Variants in NCR1 observed in about 807,000 individuals in gnomAD.
NCR1 encodes NK cell-activating receptor.
A neutral mutation model predicts 32.5 loss-of-function variants in NCR1; 30 were observed. The observed-to-expected ratio is 0.92, with a 90% CI of 0.69 to 1.25. The LOEUF is 1.25. Among genes scored for constraint, NCR1 ranks in the 50% most tolerant of loss-of-function variants. The pLI is 0.00. For missense variants in NCR1, 369 were observed against 380.7 expected (o/e 0.97, Z 0.26); for synonymous variants, 169 against 143.4 (o/e 1.18, Z -1.28).
the NCR1 span, chr19:54,934,379 T>C: frequency 9.2e-7 from 1 of 1,091,232 alleles, no homozygotes. The surrounding 1 kb of genome is among the most constrained non-coding windows in gnomAD (Gnocchi z 6.7). Context: ...AAGCAGGTGT[T>C]TATTTCAGCA....
chr19:54,923,771 G>C, the NCR1 span: 5 of 1,613,678 alleles, frequency 3.1e-6, no homozygotes. Context: ...CGGAGGTGCC[G>C]TTGCCCCGGA....
intron 3 of NCR1, 52 bp downstream of exon 3, chr19:54,906,859 G>A (rs781215067): frequency 6.3e-7 from 1 of 1,594,154 alleles, no homozygotes; most frequent in Admixed American, 1.7e-5. Flanking sequence ...CATCCGGGAT[G>A]CAGCATCATC....
At position 54,910,023 on chromosome 19, in the gene NCR1, A is replaced by T; in HGVS notation, c.640A>T (p.Ile214Phe). The part of the protein sequence containing the change: ...EPVKLLVTGD[I>F]ENTSLAPEDP... ...TTCTTTATCTCCTTTTCCAGGCGAC[A>T]TTGAGAACACCAGCCTTGCACCTGA... is the stretch of plus-strand genomic sequence containing the variant. The change falls in exon 5 of 7, where the codon ATT becomes TTT. Residue 214 changes from isoleucine to phenylalanine, a missense_variant. Coordinates refer to ENST00000291890, the MANE Select transcript of NCR1 (RefSeq NM_004829.7). 1.2e-6 allele frequency: 2 copies of T among 1,613,382 alleles called. No individual in the cohort carries two copies. The highest frequency in any genetic ancestry group is 8.5e-7 in the Non-Finnish European group (1 of 1,179,834).
chr19:54,929,530 G>A, the NCR1 span, among the ~76,000 whole-genome samples: 1 of 152,146 alleles, frequency 6.6e-6, no homozygotes, highest in East Asian at 1.9e-4. Context: ...GGAGAGAAGT[G>A]ATGAAGAGCT....
upstream of NCR1, among the ~76,000 whole-genome samples, chr19:54,903,648 C>CATATATGTATATATGTATACATATATGT (rs1569535724): frequency 7.5e-6 from 1 of 133,634 alleles, no homozygotes; most frequent in Non-Finnish European, 1.6e-5. Flanking sequence ...TATATATACA[C>CATATATGTATATATGTATACATATATGT]ATATATGTAT....
downstream of NCR1, among the ~76,000 whole-genome samples, chr19:54,918,701 C>T (rs2068182574): frequency 2.0e-5 from 3 of 151,874 alleles, no homozygotes; most frequent in Admixed American, 6.6e-5. Flanking sequence ...GAGCCAGGCA[C>T]GGTGGCGGTG....
At chr19:54,937,095 G>A in the NCR1 span, among the ~76,000 whole-genome samples, 1 of 151,588 alleles carries the variant, frequency 6.6e-6, no homozygotes, top group East Asian at 1.9e-4. Context: ...GCGGGCGCCT[G>A]TAGTCCCAGC....
At chr19:54,901,360 C>CAAAAAAA (rs80189325), upstream of NCR1, among the ~76,000 whole-genome samples, 2 of 91,182 alleles carry the variant, frequency 2.2e-5, no homozygotes, top group African/African-American at 5.2e-5. Flanking sequence ...GAGTCCATCT[C>CAAAAAAA]AAAAAAAAAA....
chr19:54,915,083 C>T (rs974008010), downstream of NCR1, among the ~76,000 whole-genome samples: 8 of 152,122 alleles, frequency 5.3e-5, no homozygotes, highest in African/African-American at 1.9e-4. Context: ...TGTTAATTCC[C>T]TGTAACAGCA....
At chr19:54,929,119 A>G in the NCR1 span, among the ~76,000 whole-genome samples, 14 of 152,334 alleles carry the variant, frequency 9.2e-5, no homozygotes, top group African/African-American at 3.4e-4. Flanking sequence ...CTGTAATCCC[A>G]GCACTTTGGG....
chr19:54,900,110 A>G, the NCR1 span, among the ~76,000 whole-genome samples: 1 of 152,156 alleles, frequency 6.6e-6, no homozygotes, highest in African/African-American at 2.4e-5. Context: ...GATCTTTCTC[A>G]TGGAGCAAAG....
chr19:54,903,578 A>G (rs775438503), upstream of NCR1, among the ~76,000 whole-genome samples: 2 of 147,492 alleles, frequency 1.4e-5, no homozygotes, highest in Non-Finnish European at 3.0e-5. Flanking sequence ...GTGTATATAT[A>G]CGCATATACA....
chr19:54,913,971 G>A (rs997530572), downstream of NCR1, among the ~76,000 whole-genome samples: 22 of 151,748 alleles, frequency 1.4e-4, no homozygotes, highest in African/African-American at 4.8e-4. Context: ...AGGAGGCTGA[G>A]GCAGGAGAAT....
At chr19:54,919,580 G>A (rs372663537), downstream of NCR1, among the ~76,000 whole-genome samples, 4,067 of 151,948 alleles carry the variant, frequency 0.027, 52 homozygotes, top group African/African-American at 0.09. Context: ...GACTAGGAGC[G>A]TGACCACCGA....
At chr19:54,903,532 A>G (rs775653938), upstream of NCR1, among the ~76,000 whole-genome samples, 4 of 147,690 alleles carry the variant, frequency 2.7e-5, 1 homozygote, top group Admixed American at 7.0e-5. Flanking sequence ...GTATACATAT[A>G]TATGCATGTA....
the NCR1 span, chr19:54,937,900 C>CAAAAAA: frequency 1.2e-4 from 63 of 516,634 alleles, no homozygotes; most frequent in African/African-American, 2.5e-4. Context: ...TCCGTCTCAC[C>CAAAAAA]AAAAAAAAAA....
chr19:54,925,620 C>T, the NCR1 span, among the ~76,000 whole-genome samples: 12 of 152,066 alleles, frequency 7.9e-5, no homozygotes, highest in African/African-American at 1.4e-4. Context: ...CTCGGCAACA[C>T]GGCCACACAG....
chr19:54,938,196 G>A, the NCR1 span: 3 of 1,614,110 alleles, frequency 1.9e-6, no homozygotes, highest in Admixed American at 3.3e-5. Flanking sequence ...GGCGAAGAGA[G>A]CGAAGATCCT....
intron 5 of NCR1, among the ~76,000 whole-genome samples, chr19:54,911,306 G>A (rs587649901): frequency 4.1e-4 from 61 of 148,206 alleles, no homozygotes; most frequent in Non-Finnish European, 6.7e-4. Flanking sequence ...CTGAGATCGC[G>A]CCACTGCACT....
Sources: allele counts gnomAD v4.1 joint callset (sites outside exome capture counted in the v4.1 genomes callset), GRCh38; gene constraint gnomAD v4.1.1; non-coding constraint Gnocchi (gnomAD v3.1); transcripts MANE v1.5; gene names NCBI Gene and HGNC (gene_info 2026-07-23, HGNC 2026-07-21).